TMEM50B: variants seen among roughly 807,000 people sequenced by gnomAD.
The protein encoded by TMEM50B is HCV p7-trans-regulated protein 3.
Under a neutral mutation model 23.4 loss-of-function variants are expected in TMEM50B, and 14 were observed. The ratio of observed to expected loss-of-function variants is 0.60; its 90% confidence interval spans 0.39 to 0.93. The LOEUF (loss-of-function observed/expected upper bound fraction) is 0.93. Among genes scored for constraint, TMEM50B ranks in the 40% least tolerant of loss-of-function variants. The probability of loss-of-function intolerance (pLI) is 0.00; values close to 1 mark genes in which losing one functional copy is unlikely to be tolerated. For missense variants in TMEM50B, 159 were observed against 193.0 expected (o/e 0.82, Z 1.04); for synonymous variants, 64 against 62.3 (o/e 1.03, Z -0.13).
chr21:33,463,063 G>A (rs1021798638), intron 4 of TMEM50B, among the ~76,000 whole-genome samples: 1 of 152,106 alleles, frequency 6.6e-6, no homozygotes, highest in African/African-American at 2.4e-5. Flanking sequence ...AGGCCAAGGC[G>A]GGTGCATCAC....
intron 1 of TMEM50B, chr21:33,469,452 T>C (rs955952972): frequency 2.6e-5 from 4 of 152,104 alleles, no homozygotes; most frequent in African/African-American, 9.7e-5. Context: ...TGTCCAAAAA[T>C]AAATAAATAA....
chr21:33,477,466 G>A (rs965084059), intron 1 of TMEM50B, among the ~76,000 whole-genome samples: 3 of 152,126 alleles, frequency 2.0e-5, no homozygotes, highest in African/African-American at 4.8e-5. Context: ...ATACCTCTGC[G>A]CTGTCTGAAT....
At chr21:33,464,426 C>CT (rs1389565902) in intron 4 of TMEM50B, among the ~76,000 whole-genome samples, 1 of 150,728 alleles carries the variant, frequency 6.6e-6, no homozygotes, top group African/African-American at 2.4e-5. Flanking sequence ...TCTCGAACTC[C>CT]TGACCTTAGG....
At chr21:33,475,756 A>C (rs374767304) in intron 1 of TMEM50B, among the ~76,000 whole-genome samples, 75 of 152,158 alleles carry the variant, frequency 4.9e-4, no homozygotes, top group Middle Eastern at 3.4e-3. Flanking sequence ...AGAACAAGAC[A>C]ATCCTGGCTA....
At chr21:33,445,787 A>T (rs537078457), downstream of TMEM50B, among the ~76,000 whole-genome samples, 1 of 135,690 alleles carries the variant, frequency 7.4e-6, no homozygotes, top group Admixed American at 7.0e-5. Flanking sequence ...ACTCTGTCTC[A>T]AAAAAAAAAG....
rs148135273 is a variant in TMEM50B at position 33,440,611 on chromosome 21, G to A, written c.*2037-1314C>T. The stretch of plus-strand genomic sequence containing the variant: ...AATAATAATAAAATAGGCCGGGTGC[G>A]GGGGCTCACGCTTGTAATCCCAGAA... On this transcript the variant is annotated intron_variant and NMD_transcript_variant, in intron 7 of 8. Coordinates refer to the TMEM50B transcript ENST00000420455. Among the ~76,000 whole-genome samples the A allele has an allele frequency of 6.0e-3, 901 of 150,980 alleles. 5 individuals are homozygous for A. Among genetic ancestry groups the A allele is most frequent in the African/African-American group, 0.021 (857 of 41,044 alleles).
Position 33,450,736 on chromosome 21 carries a change from A to C in TMEM50B, c.*82T>G. 22 of 1,047,292 alleles carry C rather than the reference A, an allele frequency of 2.1e-5. No homozygotes were observed. The highest frequency in any genetic ancestry group is 3.0e-5 in the Non-Finnish European group (21 of 695,278). 64.9% of individuals were successfully genotyped at this position (1,047,292 alleles called of 1,614,324 possible). A position where few individuals can be genotyped will look rare whatever the true frequency, so the allele number is the denominator to read the frequency against. ...AAACATTTAATGTACAATCTACTCCATTTGGCAATGTGTACTGAGAGATAA... is the reference window on the plus strand; with the variant it reads ...AAACATTTAATGTACAATCTACTCCCTTTGGCAATGTGTACTGAGAGATAA... On this transcript the variant is annotated 3_prime_UTR_variant, in exon 7 of 7. Coordinates refer to ENST00000542230, the MANE Select transcript of TMEM50B (RefSeq NM_006134.7).
intron 8 of TMEM50B, chr21:33,432,890 CTTT>C (rs143248516): frequency 4.7e-5 from 70 of 1,476,932 alleles, no homozygotes; most frequent in Non-Finnish European, 4.8e-5. Context: ...GCACACATCT[CTTT>C]TTTTTTTTTT....
intron 4 of TMEM50B, among the ~76,000 whole-genome samples, chr21:33,463,228 G>A (rs1192553480): frequency 2.6e-5 from 4 of 152,192 alleles, no homozygotes; most frequent in Admixed American, 6.5e-5. Flanking sequence ...GGAGGCGGAG[G>A]ATGCAATGAG....
At chr21:33,446,448 G>T (rs2084056102), downstream of TMEM50B, among the ~76,000 whole-genome samples, 1 of 150,446 alleles carries the variant, frequency 6.6e-6, no homozygotes, top group Non-Finnish European at 1.5e-5. Context: ...TGTTGGCCAG[G>T]CTGATCTCGA....
At chr21:33,472,211 G>A (rs1015730209) in intron 1 of TMEM50B, among the ~76,000 whole-genome samples, 15 of 151,304 alleles carry the variant, frequency 9.9e-5, no homozygotes, top group South Asian at 2.1e-4. Context: ...GTGAAACCCC[G>A]TCTCCACTAA....
intron 6 of TMEM50B, among the ~76,000 whole-genome samples, chr21:33,452,422 A>G (rs2084130263): frequency 6.6e-6 from 1 of 152,200 alleles, no homozygotes; most frequent in Admixed American, 6.5e-5. Flanking sequence ...GAGTCTATAC[A>G]TAAGAGGAAA....
rs12655 is a variant in TMEM50B, at chr21:33,437,379, G to A, written c.*2120+1835C>T. 3.1e-3 allele frequency: 588 copies of A among 190,386 alleles called. 4 individuals are homozygous for A. Among genetic ancestry groups the A allele is most frequent in the African/African-American group, 0.013 (565 of 42,320 alleles). 11.8% of individuals were successfully genotyped at this position (190,386 alleles called of 1,614,324 possible). On this transcript the variant is annotated intron_variant and NMD_transcript_variant, in intron 8 of 8. Coordinates refer to the TMEM50B transcript ENST00000420455. The stretch of plus-strand genomic sequence containing the variant: ...CAGGTCACACAACCTGTCCCAGCGA[G>A]GGACACCGAGTGGCCCTTCATGTAC...
chr21:33,432,981 G>C (rs1354358681), intron 8 of TMEM50B: 1 of 910,674 alleles, frequency 1.1e-6, no homozygotes, highest in Non-Finnish European at 1.7e-6. Context: ...CATCTCCCAG[G>C]TTCAAGCGAT....
downstream of TMEM50B, among the ~76,000 whole-genome samples, chr21:33,448,468 G>A (rs1480632857): frequency 4.0e-5 from 6 of 151,642 alleles, no homozygotes; most frequent in Admixed American, 2.6e-4. Flanking sequence ...TGAGACCCCC[G>A]TCTCTACAAA....
intron 6 of TMEM50B, among the ~76,000 whole-genome samples, chr21:33,452,167 C>G (rs983852728): frequency 2.6e-5 from 4 of 152,346 alleles, no homozygotes; most frequent in African/African-American, 9.6e-5. Flanking sequence ...TTCATAACAA[C>G]TTACCATATC....
At chr21:33,456,531 T>C (rs2084169947) in intron 5 of TMEM50B, among the ~76,000 whole-genome samples, 1 of 152,378 alleles carries the variant, frequency 6.6e-6, no homozygotes, top group African/African-American at 2.4e-5. Flanking sequence ...TATTAACTTT[T>C]GTAAAACTAC....
At position 33,450,726 on chromosome 21, in the gene TMEM50B, A is replaced by G; in HGVS notation, c.*92T>C. The G allele has an allele frequency of 3.3e-6, 3 of 921,904 alleles. No homozygotes were observed. The South Asian group carries it at 4.8e-5, about 15-fold the overall frequency. 57.1% of individuals were successfully genotyped at this position (921,904 alleles called of 1,614,324 possible). ...TAAAGAAACAAAACATTTAATGTACAATCTACTCCATTTGGCAATGTGTAC... is the reference window on the plus strand; with the variant it reads ...TAAAGAAACAAAACATTTAATGTACGATCTACTCCATTTGGCAATGTGTAC... On this transcript the variant is annotated 3_prime_UTR_variant, in exon 7 of 7. Transcript: ENST00000542230.
downstream of TMEM50B, among the ~76,000 whole-genome samples, chr21:33,446,663 A>AC (rs1393762703): frequency 3.4e-5 from 5 of 146,774 alleles, no homozygotes; most frequent in African/African-American, 1.3e-4. Flanking sequence ...CACAAAAAAA[A>AC]AAAAAAAAAA....
Sources: allele counts gnomAD v4.1 joint callset (sites outside exome capture counted in the v4.1 genomes callset), GRCh38; gene constraint gnomAD v4.1.1; transcripts MANE v1.5; gene names NCBI Gene and HGNC (gene_info 2026-07-23, HGNC 2026-07-21).